USP42: variants seen among roughly 807,000 people sequenced by gnomAD.
USP42 encodes the protein ubiquitin carboxyl-terminal hydrolase 42.
In USP42, 23 loss-of-function variants were observed where a neutral mutation model predicts 113.0. That is an observed-to-expected ratio of 0.20 (90% CI 0.15 to 0.29). USP42 has a LOEUF of 0.29. Among genes scored for constraint, USP42 ranks in the 10% least tolerant of loss-of-function variants. USP42 has a pLI of 1.00. For synonymous variants in USP42, 933 were observed against 699.0 expected (o/e 1.33, Z -5.28); for missense variants, 2,174 against 1,779.8 (o/e 1.22, Z -3.99).
At chr7:6,100,245 C>G (rs1261378484), upstream of USP42, among the ~76,000 whole-genome samples, 1 of 150,774 alleles carries the variant, frequency 6.6e-6, no homozygotes, top group South Asian at 2.1e-4. Flanking sequence ...CATATCCAGC[C>G]CTAACTAGTC....
chr7:6,155,216 T>C, intron 15 of USP42, 21 bp downstream of exon 15: 3 of 1,506,374 alleles, frequency 2.0e-6, no homozygotes, highest in Non-Finnish European at 2.6e-6. Context: ...GGCCTTGTGC[T>C]CCCCGAGGCG....
At chr7:6,134,258 T>C (rs1335824148) in intron 3 of USP42, among the ~76,000 whole-genome samples, 1 of 152,196 alleles carries the variant, frequency 6.6e-6, no homozygotes, top group Non-Finnish European at 1.5e-5. Context: ...ATTTGTAATA[T>C]CCTTTTTAAA....
Position 6,139,981 on chromosome 7 carries a change from C to G in USP42, c.657-147C>G, listed in dbSNP as rs1016822971. 2.6e-6 allele frequency: 2 copies of G among 766,072 alleles called. No homozygotes were observed. The highest frequency in any genetic ancestry group is 4.6e-6 in the Non-Finnish European group (2 of 436,670). The allele number at this position is 766,072 out of a possible 1,614,324, so 47.5% of individuals were successfully genotyped here. A position where few individuals can be genotyped will look rare whatever the true frequency, so the allele number is the denominator to read the frequency against. On this transcript the variant is annotated intron_variant, in intron 5 of 17. Transcript: ENST00000306177. The surrounding 1 kb of genome is among the most constrained non-coding windows in gnomAD (Gnocchi z 4.5). ...CTGGCCAGGAAGGGATGCTCTTGGG[C>G]TGCCACACGTGCCATCCTTTTATTT...
the USP42 span, among the ~76,000 whole-genome samples, chr7:6,090,363 T>C: frequency 7.0e-6 from 1 of 143,330 alleles, no homozygotes; most frequent in Non-Finnish European, 1.5e-5. Context: ...TATATATTTA[T>C]ATATATTTCT....
chr7:6,094,831 A>G, the USP42 span, among the ~76,000 whole-genome samples: 1 of 144,018 alleles, frequency 6.9e-6, no homozygotes, highest in South Asian at 2.2e-4. Context: ...TTGGTCACCC[A>G]GGCTGGAGTA....
At chr7:6,103,112 G>A (rs1353686962), upstream of USP42, among the ~76,000 whole-genome samples, 1 of 151,016 alleles carries the variant, frequency 6.6e-6, no homozygotes, top group African/African-American at 2.5e-5. Flanking sequence ...CAGGCTCATG[G>A]TGGAGGGGAG....
chr7:6,149,322 G>C (rs941400931), intron 12 of USP42, among the ~76,000 whole-genome samples: 2 of 152,230 alleles, frequency 1.3e-5, no homozygotes, highest in Non-Finnish European at 2.9e-5. Flanking sequence ...ATCTGGGACA[G>C]AACGAGTTTG....
At chr7:6,106,484 A>G (rs1779284171) in intron 1 of USP42, among the ~76,000 whole-genome samples, 1 of 152,200 alleles carries the variant, frequency 6.6e-6, no homozygotes, top group Admixed American at 6.6e-5. Context: ...GGAATTTTAA[A>G]GCTTTGAGTA....
At chr7:6,136,450 T>G (rs959677084) in intron 4 of USP42, among the ~76,000 whole-genome samples, 1 of 152,204 alleles carries the variant, frequency 6.6e-6, no homozygotes, top group African/African-American at 2.4e-5. Context: ...ATTTTGAAAC[T>G]TTAAAGCAAA....
chr7:6,082,610 T>TTG, the USP42 span, among the ~76,000 whole-genome samples: 1 of 82,230 alleles, frequency 1.2e-5, no homozygotes. Flanking sequence ...TCTGTTTTTT[T>TTG]TTTTTTTTTT....
At position 6,111,380 on chromosome 7, in the gene USP42, G is replaced by A. The variant is rs190009396; in HGVS notation, c.241+6G>A. ...ATCACCACAAAAGGATCAAGGTACT[G>A]TTTTTCAAAAGAGAGAATTACCGCC... On this transcript the variant is annotated splice_donor_region_variant and intron_variant, in intron 2 of 17. Coordinates refer to ENST00000306177, the MANE Select transcript of USP42 (RefSeq NM_032172.3). 2.2e-5 allele frequency: 35 copies of A among 1,606,634 alleles called. No homozygotes were observed. The East Asian group carries it at 6.0e-4, about 28-fold the overall frequency.
At position 6,154,786 on chromosome 7, in the gene USP42, C is replaced by A; in HGVS notation, c.3232C>A (p.His1078Asn). ...CGCTGCCCGGGACTGGAAGCCCTTC[C>A]ACGGCGGCCGCGAGCACGAGCGGGC... ...LYAARDWKPF[H>N]GGREHERAGL... The change falls in exon 15 of 18, where the codon CAC becomes AAC. Residue 1078 changes from histidine (H) to asparagine (N), a missense_variant. Physicochemically the swap from His to Asn is moderately conservative, Grantham distance 68. Transcript: ENST00000306177. The A allele has an allele frequency of 6.5e-7, 1 of 1,549,280 alleles. No homozygotes were observed. Among genetic ancestry groups the A allele is most frequent in the Admixed American group, 2.0e-5 (1 of 50,934 alleles).
At chr7:6,087,607 G>A in the USP42 span, among the ~76,000 whole-genome samples, 1 of 150,886 alleles carries the variant, frequency 6.6e-6, no homozygotes, top group Non-Finnish European at 1.5e-5. Flanking sequence ...AAAGTGCTGG[G>A]ATTACAGGAA....
chr7:6,113,909 C>T (rs1234832290), intron 2 of USP42, among the ~76,000 whole-genome samples: 2 of 152,216 alleles, frequency 1.3e-5, no homozygotes, highest in East Asian at 1.9e-4. Context: ...GCATGAGCCA[C>T]TGTGCCCGAC....
chr7:6,157,220 A>G lies in USP42; in HGVS notation c.3943+165A>G. 5.7e-6 allele frequency: 8 copies of G among 1,414,194 alleles called. No homozygotes were observed. The highest frequency in any genetic ancestry group is 7.3e-6 in the Non-Finnish European group (8 of 1,089,210). The allele number at this position is 1,414,194 out of a possible 1,614,324, so 87.6% of individuals were successfully genotyped here. On this transcript the variant is annotated intron_variant, in intron 16 of 17. Coordinates refer to ENST00000306177, the MANE Select transcript of USP42 (RefSeq NM_032172.3). The surrounding 1 kb of genome is among the most constrained non-coding windows in gnomAD (Gnocchi z 4.1). ...GTCTGGCCTCAGTGCTCATCCCTGC[A>G]GTGTGGTTCCGTTGCACAGTTAAGC...
At chr7:6,113,141 C>T (rs568294800) in intron 2 of USP42, among the ~76,000 whole-genome samples, 2 of 151,884 alleles carry the variant, frequency 1.3e-5, no homozygotes, top group East Asian at 3.9e-4. Flanking sequence ...ATAATCCACC[C>T]GCCTCGGCCT....
In USP42 at chr7:6,146,859, A is replaced by G. The variant is rs538792878; in HGVS notation, c.1232+611A>G. On this transcript the variant is annotated intron_variant, in intron 11 of 17. Transcript: ENST00000306177. ...AATGGAGTGGGCCAGGAGCCACAGGACAATGAGTGGAGACCTCAGGAAGGG... is the reference window on the plus strand; with the variant it reads ...AATGGAGTGGGCCAGGAGCCACAGGGCAATGAGTGGAGACCTCAGGAAGGG... Among the ~76,000 whole-genome samples the G allele has an allele frequency of 7.2e-5, 11 of 152,278 alleles. No homozygotes were observed. The South Asian group carries it at 2.1e-3, about 29-fold the overall frequency.
At position 6,154,084 on chromosome 7, in the gene USP42, C is replaced by T. The variant is rs773460618; in HGVS notation, c.2530C>T (p.Arg844Trp). The T allele has an allele frequency of 1.2e-6, 2 of 1,605,632 alleles. No homozygotes were observed. Among genetic ancestry groups the T allele is most frequent in the East Asian group, 2.2e-5 (1 of 44,852 alleles). The part of the protein sequence containing the change: ...DAKGMIAEGP[R>W]DSALAEAPEG... ...AAAGGGGATGATCGCGGAGGGCCCGCGGGACTCGGCGTTGGCGGAAGCCCC... is the reference window on the plus strand; with the variant it reads ...AAAGGGGATGATCGCGGAGGGCCCGTGGGACTCGGCGTTGGCGGAAGCCCC... The change falls in exon 15 of 18, where the codon CGG becomes TGG. Residue 844 changes from arginine (R) to tryptophan (W), a missense_variant. Coordinates refer to ENST00000306177, the MANE Select transcript of USP42 (RefSeq NM_032172.3).
intron 10 of USP42, 114 bp from the exon 11 acceptor site, chr7:6,146,034 C>G: frequency 1.2e-6 from 1 of 842,990 alleles, no homozygotes; most frequent in Non-Finnish European, 1.9e-6. Context: ...TGCACTCCAG[C>G]CTGGGTGACA....
Sources: gnomAD v4.1 joint callset for allele counts (sites outside exome capture counted in the v4.1 genomes callset) on GRCh38, gnomAD v4.1.1 for gene constraint, Gnocchi (gnomAD v3.1) non-coding constraint, MANE v1.5 for transcripts, NCBI Gene and HGNC (gene_info 2026-07-23, HGNC 2026-07-21) for gene names.